The following MACROD2 variants were observed in gnomAD, a reference collection of about 807,000 sequenced individuals.
MACROD2 encodes the protein mono-ADP ribosylhydrolase 2.
In MACROD2, 36 loss-of-function variants were observed where a neutral mutation model predicts 70.4. The observed-to-expected ratio is 0.51, with a 90% CI of 0.39 to 0.68. MACROD2 has a LOEUF of 0.68. MACROD2 is among the 30% of genes least tolerant of loss of function. The pLI is 0.00. For synonymous variants in MACROD2, 172 were observed against 178.8 expected (o/e 0.96, Z 0.30); for missense variants, 496 against 538.4 (o/e 0.92, Z 0.78).
chr20:14,008,440 G>C (rs948824733), intron 2 of MACROD2, among the ~76,000 whole-genome samples: 3 of 152,060 alleles, frequency 2.0e-5, no homozygotes, highest in African/African-American at 7.2e-5. Context: ...TCTTCAAGGA[G>C]ACCTACAAAC....
chr20:15,817,899 C>T (rs1290014269), intron 8 of MACROD2, among the ~76,000 whole-genome samples: 1 of 152,186 alleles, frequency 6.6e-6, no homozygotes, highest in African/African-American at 2.4e-5. Flanking sequence ...TACTTCTTGT[C>T]ATTTTATTAT....
chr20:15,712,512 G>C (rs2050643126), intron 8 of MACROD2, among the ~76,000 whole-genome samples: 1 of 151,870 alleles, frequency 6.6e-6, no homozygotes, highest in Non-Finnish European at 1.5e-5. Flanking sequence ...ATTTGTTCTA[G>C]ACCTATCACT....
chr20:14,408,973 TA>T (rs1276394695), intron 3 of MACROD2, among the ~76,000 whole-genome samples: 3 of 152,150 alleles, frequency 2.0e-5, no homozygotes, highest in Non-Finnish European at 4.4e-5. Flanking sequence ...CTACTACATA[TA>T]GAGCCTTCAC....
At chr20:14,078,688 G>A (rs960137024) in intron 2 of MACROD2, among the ~76,000 whole-genome samples, 4 of 152,166 alleles carry the variant, frequency 2.6e-5, no homozygotes, top group Non-Finnish European at 4.4e-5. Context: ...GATTACAGGC[G>A]TGAGCCACCG....
chr20:15,411,791 A>T (rs2046082504), intron 6 of MACROD2, among the ~76,000 whole-genome samples: 1 of 152,204 alleles, frequency 6.6e-6, no homozygotes, highest in Non-Finnish European at 1.5e-5. Flanking sequence ...TTCATTTTCC[A>T]ACCCATAATC....
At chr20:14,400,485 C>G (rs1600202347) in intron 3 of MACROD2, among the ~76,000 whole-genome samples, 1 of 152,310 alleles carries the variant, frequency 6.6e-6, no homozygotes, top group Middle Eastern at 3.4e-3. Context: ...CAAGGGGATA[C>G]TGCCTGTAAA....
At chr20:15,222,602 T>A (rs2076871511) in intron 5 of MACROD2, among the ~76,000 whole-genome samples, 1 of 152,198 alleles carries the variant, frequency 6.6e-6, no homozygotes, top group South Asian at 2.1e-4. Flanking sequence ...TTGATATGAT[T>A]GACAAGGCAC....
chr20:15,477,289 A>G (rs925148121), intron 7 of MACROD2, among the ~76,000 whole-genome samples: 1 of 151,812 alleles, frequency 6.6e-6, no homozygotes, highest in Non-Finnish European at 1.5e-5. Context: ...TACATAGGAC[A>G]TCACTATATT....
At chr20:14,327,629 A>T in intron 3 of MACROD2, 2 of 1,128,654 alleles carry the variant, frequency 1.8e-6, no homozygotes, top group Non-Finnish European at 2.4e-6. Context: ...TTTAAAAACA[A>T]ATGTGGAAAC....
At chr20:14,587,323 T>C (rs1029375164) in intron 4 of MACROD2, among the ~76,000 whole-genome samples, 5 of 151,738 alleles carry the variant, frequency 3.3e-5, no homozygotes, top group Non-Finnish European at 7.4e-5. Context: ...TATTTTTTAG[T>C]TTTCTTGTGA....
intron 4 of MACROD2, among the ~76,000 whole-genome samples, chr20:14,666,770 C>T (rs2070740955): frequency 6.6e-6 from 1 of 151,566 alleles, no homozygotes; most frequent in South Asian, 2.1e-4. Context: ...AAAATGTTTT[C>T]TTAGTGAATT....
intron 8 of MACROD2, among the ~76,000 whole-genome samples, chr20:15,528,860 C>T (rs2047757714): frequency 6.6e-6 from 1 of 152,016 alleles, no homozygotes. Flanking sequence ...GTCACCATTT[C>T]TCTGAAGTCT....
intron 2 of MACROD2, among the ~76,000 whole-genome samples, chr20:14,037,630 T>G (rs2053330882): frequency 7.4e-6 from 1 of 134,546 alleles, no homozygotes. Context: ...ACACGCCAAC[T>G]GTGTGTGTGT....
intron 5 of MACROD2, among the ~76,000 whole-genome samples, chr20:14,740,030 C>A (rs553571974): frequency 4.6e-5 from 7 of 152,058 alleles, no homozygotes; most frequent in African/African-American, 1.7e-4. Flanking sequence ...AGGATATTCA[C>A]CTATTAATGA....
At chr20:14,137,990 G>A (rs1221851456) in intron 3 of MACROD2, among the ~76,000 whole-genome samples, 1 of 152,122 alleles carries the variant, frequency 6.6e-6, no homozygotes, top group East Asian at 1.9e-4. Flanking sequence ...CATACAGATG[G>A]CCAGTAGTTA....
chr20:14,626,874 C>G (rs1984199453), intron 4 of MACROD2: 1 of 152,156 alleles, frequency 6.6e-6, no homozygotes, highest in Admixed American at 6.6e-5. Flanking sequence ...GACTCAGTCC[C>G]CTTCTAGACG....
At chr20:14,083,877 G>A (rs1433539300) in intron 2 of MACROD2, among the ~76,000 whole-genome samples, 1 of 151,328 alleles carries the variant, frequency 6.6e-6, no homozygotes. Context: ...TCAGGAGATG[G>A]AGACCAACCC....
At chr20:14,946,283 T>C (rs1323597583) in intron 5 of MACROD2, among the ~76,000 whole-genome samples, 2 of 152,170 alleles carry the variant, frequency 1.3e-5, no homozygotes, top group Non-Finnish European at 2.9e-5. Flanking sequence ...GTAAGCAAAT[T>C]CTCAAAGTAT....
chr20:15,369,575 A>C (rs963523244), intron 6 of MACROD2, among the ~76,000 whole-genome samples: 4 of 152,310 alleles, frequency 2.6e-5, no homozygotes, highest in Non-Finnish European at 5.9e-5. Flanking sequence ...GAAATTCCTT[A>C]GTTCAAATGA....
Sources: gnomAD v4.1 joint callset for allele counts (sites outside exome capture counted in the v4.1 genomes callset) on GRCh38, gnomAD v4.1.1 for gene constraint, MANE v1.5 for transcripts, NCBI Gene and HGNC (gene_info 2026-07-23, HGNC 2026-07-21) for gene names.